DST: variants seen among roughly 807,000 people sequenced by gnomAD.
DST encodes bullous pemphigoid antigen.
DST carries 253 observed loss-of-function variants against 875.2 expected under a neutral mutation model. That is an observed-to-expected ratio of 0.29 (90% confidence interval 0.26 to 0.32). The LOEUF is 0.32. Ranked by LOEUF, DST falls within the 10% of genes least tolerant of loss-of-function variation. DST has a pLI of 1.00. For synonymous variants in DST, 3,124 were observed against 3,197.1 expected, an observed-to-expected ratio of 0.98 and a Z score of 0.77; for missense variants, 8,287 against 9,111.6, an observed-to-expected ratio of 0.91 and a Z score of 3.68.
Position 56,485,396 on chromosome 6 carries a change from T to A in DST, c.21123A>T (p.Leu7041Phe). The A allele has an allele frequency of 1.2e-6, 2 of 1,613,956 alleles. No homozygotes were observed. The highest frequency in any genetic ancestry group is 1.7e-6 in the Non-Finnish European group (2 of 1,179,832). Residue 7041 changes from leucine (L) to phenylalanine (F), a missense_variant, in exon 88 of 104, where the codon TTA (leucine) becomes TTT (phenylalanine). Leu to Phe is a conservative substitution (Grantham distance 22, BLOSUM62 0). This residue lies in a region of DST where 1,292 missense variants were observed against 1,552.7 expected (regional missense o/e 0.83). Coordinates refer to ENST00000680361, the MANE Select transcript of DST (RefSeq NM_001374736.1). The part of the protein sequence containing the change: ...TDALQALIDW[L>F]YRVEPQLAED... ...CTGCCAGCTGGGGTTCAACTCTATA[T>A]AACCAATCAATGAGAGCCTGTAGGG...
intron 4 of DST, among the ~76,000 whole-genome samples, chr6:56,757,546 C>G (rs558082632): frequency 7.2e-4 from 109 of 152,240 alleles, no homozygotes; most frequent in African/African-American, 2.0e-3. Flanking sequence ...CTGATGGGGA[C>G]ACATGGTAGC....
intron 49 of DST, among the ~76,000 whole-genome samples, chr6:56,586,129 G>A (rs1302168100): frequency 6.6e-6 from 1 of 151,862 alleles, no homozygotes; most frequent in Non-Finnish European, 1.5e-5. Context: ...GTGTAGAGCT[G>A]AGTTCAATTC....
chr6:56,913,403 C>T (rs865942126), intron 2 of DST, among the ~76,000 whole-genome samples: 27 of 152,178 alleles, frequency 1.8e-4, no homozygotes, highest in African/African-American at 6.3e-4. Context: ...ATGTGCTCTC[C>T]ACCAAAGGTC....
rs2097789397 is a variant in DST at position 56,572,162 on chromosome 6, G to A, written c.13659C>T (p.Val4553=). ...SHGLPSDKAL[V]LEKTNNLSKK... is the part of the protein sequence containing the mutation. Reference sequence around the variant, plus strand: ...TTGACAAATTATTTGTTTTTTCAAGGACCAAAGCCTTATCACTTGGTAAGC... The same window carrying A: ...TTGACAAATTATTTGTTTTTTCAAGAACCAAAGCCTTATCACTTGGTAAGC... Residue 4553 remains valine, a synonymous_variant, in exon 53 of 104, where the codon GTC becomes GTT. Coordinates refer to ENST00000680361, the MANE Select transcript of DST (RefSeq NM_001374736.1). 1 of 1,542,874 alleles carries A rather than the reference G, an allele frequency of 6.5e-7. No homozygotes were observed.
chr6:56,778,377 G>C (rs1167619726), intron 4 of DST, among the ~76,000 whole-genome samples: 2 of 138,578 alleles, frequency 1.4e-5, no homozygotes, highest in Admixed American at 1.5e-4. Context: ...TTTCAAATCT[G>C]TTAGTTATTT....
chr6:56,504,925 A>G (rs965970564), intron 77 of DST, among the ~76,000 whole-genome samples: 9 of 152,102 alleles, frequency 5.9e-5, no homozygotes, highest in African/African-American at 2.2e-4. Context: ...GGATCTTGCT[A>G]TGTTTCCCAG....
chr6:56,605,559 T>A lies in DST; in HGVS notation c.9069A>T (p.Lys3023Asn). ...GATCGCTTCCATTTCCTTGAGGATC[T>A]TTGTCAGTTACAGAGGCTATCAATG... ...HLSLIASVTDKDPQGNGSDLI... is the reference protein window; with the variant it reads ...HLSLIASVTDNDPQGNGSDLI... Residue 3023 changes from lysine to asparagine, a missense_variant, in exon 40 of 104, where the codon AAA becomes AAT. By Grantham distance (94) the Lys-to-Asn change is moderately conservative. This residue lies in a region of DST where 3,138 missense variants were observed against 3,116.6 expected (regional missense o/e 1.01). Coordinates refer to ENST00000680361, the MANE Select transcript of DST (RefSeq NM_001374736.1). 1 of 1,613,138 alleles carries A rather than the reference T, an allele frequency of 6.2e-7. No homozygotes were observed. Among genetic ancestry groups the A allele is most frequent in the Non-Finnish European group, 8.5e-7 (1 of 1,179,356 alleles).
At chr6:56,821,704 T>G (rs542393402) in intron 4 of DST, among the ~76,000 whole-genome samples, 23 of 152,332 alleles carry the variant, frequency 1.5e-4, no homozygotes, top group African/African-American at 5.5e-4. Flanking sequence ...GACTGCCCTA[T>G]GAAAACAGTT....
At chr6:56,613,688 C>T (rs1465733962) in intron 37 of DST, among the ~76,000 whole-genome samples, 1 of 152,158 alleles carries the variant, frequency 6.6e-6, no homozygotes, top group Admixed American at 6.5e-5. Flanking sequence ...ATGTACACCC[C>T]AACTACCAAC....
chr6:56,518,876 G>C (rs1051067539), intron 69 of DST, among the ~76,000 whole-genome samples: 1 of 152,176 alleles, frequency 6.6e-6, no homozygotes, highest in Non-Finnish European at 1.5e-5. Context: ...ACAGGTAGGT[G>C]GGGAGAAAGA....
chr6:56,517,567 T>TA lies in DST; in HGVS notation c.18182_18183insT (p.Lys6061AsnfsTer7). The TA allele has an allele frequency of 6.2e-7, 1 of 1,612,006 alleles. No homozygotes were observed. The highest frequency in any genetic ancestry group is 8.5e-7 in the Non-Finnish European group (1 of 1,178,904). On this transcript the variant is annotated frameshift_variant, in exon 70 of 104. Coordinates refer to ENST00000680361, the MANE Select transcript of DST (RefSeq NM_001374736.1). LOFTEE classifies it high-confidence loss of function. ...GCCTGATGTCACCCAGAGACATCAA[T>TA]TTTTTTTCTGTTTCAGTAATCCAGG... is the stretch of plus-strand genomic sequence containing the variant.
chr6:56,492,143 A>G, intron 85 of DST, 84 bp downstream of exon 85: 7 of 1,222,186 alleles, frequency 5.7e-6, no homozygotes, highest in Non-Finnish European at 8.3e-6. Context: ...ACAGCCTGTG[A>G]TAAAAGTACA....
At chr6:56,595,111 A>C (rs1283670220) in intron 47 of DST, among the ~76,000 whole-genome samples, 1 of 152,092 alleles carries the variant, frequency 6.6e-6, no homozygotes, top group East Asian at 1.9e-4. Flanking sequence ...CCTTCTGGGC[A>C]ATTTCCCACA....
At chr6:56,597,395 A>G (rs574255594) in intron 47 of DST, among the ~76,000 whole-genome samples, 1 of 152,326 alleles carries the variant, frequency 6.6e-6, no homozygotes, top group African/African-American at 2.4e-5. Context: ...CATCTGTAAG[A>G]TGAAAATAAA....
chr6:56,846,928 G>A (rs947236313), intron 4 of DST, among the ~76,000 whole-genome samples: 4 of 150,470 alleles, frequency 2.7e-5, no homozygotes, highest in Non-Finnish European at 4.4e-5. Context: ...GCTTGAGCCC[G>A]GGAGGTAGAG....
chr6:56,725,772 A>G (rs988430500), intron 5 of DST, among the ~76,000 whole-genome samples: 2 of 152,148 alleles, frequency 1.3e-5, no homozygotes, highest in Admixed American at 1.3e-4. Flanking sequence ...TCACCCATTT[A>G]AGGAAATGCA....
rs1327482484 is a variant in DST, at chr6:56,619,215, T to G, written c.4930-4731A>C. On this transcript the variant is annotated intron_variant, in intron 36 of 103. Coordinates refer to ENST00000680361, the MANE Select transcript of DST (RefSeq NM_001374736.1). Reference sequence around the variant, plus strand: ...TTCAGTGCTTCACATCTTTGCTGGATAGTTTGTTTCTCTAAAACTATATTC... The same window carrying G: ...TTCAGTGCTTCACATCTTTGCTGGAGAGTTTGTTTCTCTAAAACTATATTC... 5 of 1,613,914 alleles carry G rather than the reference T, an allele frequency of 3.1e-6. No homozygotes were observed. In the African/African-American group the frequency reaches 4.0e-5, roughly 13 times the overall value.
At chr6:56,948,794 C>T (rs867628849) in intron 2 of DST, among the ~76,000 whole-genome samples, 34 of 152,160 alleles carry the variant, frequency 2.2e-4, no homozygotes, top group African/African-American at 7.2e-4. Context: ...TTGGTATTTA[C>T]GCTAATGATG....
intron 86 of DST, among the ~76,000 whole-genome samples, chr6:56,488,461 A>T (rs2095634960): frequency 6.6e-6 from 1 of 152,206 alleles, no homozygotes; most frequent in African/African-American, 2.4e-5. Context: ...CCCAATATTG[A>T]ATGTGGCAGC....
Sources: gnomAD v4.1 joint callset for allele counts (sites outside exome capture counted in the v4.1 genomes callset) on GRCh38, gnomAD v4.1.1 for gene constraint, gnomAD v4.1.1 regional missense constraint, MANE v1.5 for transcripts, NCBI Gene and HGNC (gene_info 2026-07-23, HGNC 2026-07-21) for gene names.